MGAT4C: variants seen among roughly 807,000 people sequenced by gnomAD.
MGAT4C encodes the protein alpha-1,3-mannosyl-glycoprotein 4-beta-N-acetylglucosaminyltransferase C.
Under a neutral mutation model 40.1 loss-of-function variants are expected in MGAT4C, and 19 were observed. That is an observed-to-expected ratio of 0.47 (90% confidence interval 0.33 to 0.70). The LOEUF (loss-of-function observed/expected upper bound fraction) is 0.70. Ranked by LOEUF, MGAT4C falls within the 30% of genes least tolerant of loss-of-function variation. The pLI is 0.02. For missense variants in MGAT4C, 491 were observed against 563.2 expected (o/e 0.87, Z 1.30); for synonymous variants, 181 against 187.1 (o/e 0.97, Z 0.27).
intron 3 of MGAT4C, among the ~76,000 whole-genome samples, chr12:86,383,686 T>C (rs1454601288): frequency 6.6e-6 from 1 of 152,120 alleles, no homozygotes; most frequent in Non-Finnish European, 1.5e-5. Flanking sequence ...CCAATGCCTG[T>C]ATCCTCATTG....
chr12:86,727,405 C>A (rs1950839584), intron 1 of MGAT4C, among the ~76,000 whole-genome samples: 1 of 151,860 alleles, frequency 6.6e-6, no homozygotes, highest in Admixed American at 6.6e-5. Context: ...TTGTTATGCC[C>A]TGGTAAGTAG....
intron 1 of MGAT4C, among the ~76,000 whole-genome samples, chr12:86,140,310 C>A (rs1456347927): frequency 6.6e-6 from 1 of 152,056 alleles, no homozygotes; most frequent in Non-Finnish European, 1.5e-5. Flanking sequence ...AATGAAGAAA[C>A]AATTGTGGTT....
At chr12:86,078,718 A>G (rs1181064624) in intron 1 of MGAT4C, among the ~76,000 whole-genome samples, 1 of 152,088 alleles carries the variant, frequency 6.6e-6, no homozygotes, top group South Asian at 2.1e-4. Flanking sequence ...CATAACCTCT[A>G]TCCCTGCCAC....
chr12:86,492,957 A>G (rs891619055), intron 2 of MGAT4C, among the ~76,000 whole-genome samples: 4 of 152,140 alleles, frequency 2.6e-5, no homozygotes, highest in African/African-American at 9.7e-5. Context: ...CAAGAAAAAA[A>G]CAAACAACCC....
At chr12:86,417,505 T>C in intron 3 of MGAT4C, among the ~76,000 whole-genome samples, 1 of 152,148 alleles carries the variant, frequency 6.6e-6, no homozygotes, top group East Asian at 1.9e-4. Context: ...TGCTTTAGTA[T>C]TAGTAATTTA....
chr12:86,795,800 A>G (rs1370856501), intron 1 of MGAT4C, among the ~76,000 whole-genome samples: 1 of 151,968 alleles, frequency 6.6e-6, no homozygotes, highest in Non-Finnish European at 1.5e-5. Context: ...CTTGCTCTGA[A>G]ATTTTTGACT....
At chr12:86,404,452 A>T (rs1297038241) in intron 3 of MGAT4C, among the ~76,000 whole-genome samples, 1 of 152,112 alleles carries the variant, frequency 6.6e-6, no homozygotes, top group Non-Finnish European at 1.5e-5. Context: ...AATTCTAAAG[A>T]TGATTATTTT....
chr12:86,237,944 T>C (rs777408280), intron 1 of MGAT4C, among the ~76,000 whole-genome samples: 66 of 152,048 alleles, frequency 4.3e-4, no homozygotes, highest in Middle Eastern at 3.4e-3. Flanking sequence ...ATATCCACAC[T>C]GGGGTTGTAG....
At chr12:86,205,795 A>G (rs844436) in intron 1 of MGAT4C, among the ~76,000 whole-genome samples, 102,459 of 151,488 alleles carry the variant, frequency 0.68, 34,939 homozygotes, top group South Asian at 0.76. Flanking sequence ...AAGAATCAGG[A>G]AATTATTTAC....
intron 1 of MGAT4C, among the ~76,000 whole-genome samples, chr12:86,112,119 A>G (rs1198367294): frequency 6.6e-6 from 1 of 151,802 alleles, no homozygotes; most frequent in Non-Finnish European, 1.5e-5. Flanking sequence ...CATATCATCT[A>G]TGCATTATTC....
intron 4 of MGAT4C, among the ~76,000 whole-genome samples, chr12:86,305,395 C>A (rs1299849544): frequency 2.7e-5 from 4 of 146,470 alleles, no homozygotes; most frequent in Non-Finnish European, 4.4e-5. Flanking sequence ...GCTGAGATTG[C>A]ACTATAGCAC....
chr12:86,049,600 A>G, intron 2 of MGAT4C, 74 bp downstream of exon 2: 1 of 752,258 alleles, frequency 1.3e-6, no homozygotes, highest in Non-Finnish European at 1.6e-6. Flanking sequence ...AATTTTACTT[A>G]TTAAATATTT....
chr12:86,217,577 A>C (rs923573055), intron 1 of MGAT4C, among the ~76,000 whole-genome samples: 5 of 152,216 alleles, frequency 3.3e-5, no homozygotes, highest in African/African-American at 9.6e-5. Flanking sequence ...TAAATTTGCC[A>C]ATCTACATAT....
At chr12:85,999,295 T>C (rs1227039535) in intron 2 of MGAT4C, among the ~76,000 whole-genome samples, 2 of 152,056 alleles carry the variant, frequency 1.3e-5, no homozygotes, top group Non-Finnish European at 2.9e-5. Flanking sequence ...CCAAACCATA[T>C]CAAGCAGAAT....
intron 2 of MGAT4C, among the ~76,000 whole-genome samples, chr12:86,040,374 C>A (rs1232359060): frequency 6.6e-6 from 1 of 152,178 alleles, no homozygotes; most frequent in Non-Finnish European, 1.5e-5. Flanking sequence ...GGAGGTGGGG[C>A]TTTTATCTGT....
chr12:86,792,479 C>T (rs150925199), intron 1 of MGAT4C, among the ~76,000 whole-genome samples: 1 of 152,074 alleles, frequency 6.6e-6, no homozygotes, highest in African/African-American at 2.4e-5. Flanking sequence ...ATCCAGCTAA[C>T]ATATACTCCT....
chr12:86,636,430 G>A (rs761277134), intron 2 of MGAT4C, among the ~76,000 whole-genome samples: 34 of 151,868 alleles, frequency 2.2e-4, no homozygotes, highest in African/African-American at 6.8e-4. Flanking sequence ...TTTGAAGTTC[G>A]ATCTACCTAT....
At chr12:86,213,027 A>G (rs1435549535) in intron 1 of MGAT4C, among the ~76,000 whole-genome samples, 2 of 149,974 alleles carry the variant, frequency 1.3e-5, no homozygotes, top group Admixed American at 6.7e-5. Flanking sequence ...TGTGTTTTGT[A>G]GATTCAGCTT....
chr12:86,564,952 C>A (rs1960026398), intron 2 of MGAT4C, among the ~76,000 whole-genome samples: 1 of 152,126 alleles, frequency 6.6e-6, no homozygotes. Context: ...CTGTTTGTAG[C>A]CTTTGGCAGG....
Sources: allele counts gnomAD v4.1 joint callset (sites outside exome capture counted in the v4.1 genomes callset), GRCh38; gene constraint gnomAD v4.1.1; transcripts MANE v1.5; gene names NCBI Gene and HGNC (gene_info 2026-07-23, HGNC 2026-07-21).